The following XPNPEP1 variants were observed in gnomAD, a reference collection of about 807,000 sequenced individuals.
The protein encoded by XPNPEP1 is xaa-Pro aminopeptidase 1.
A neutral mutation model predicts 92.4 loss-of-function variants in XPNPEP1; 39 were observed. The observed-to-expected ratio is 0.42, with a 90% CI of 0.33 to 0.55. The LOEUF (loss-of-function observed/expected upper bound fraction) is 0.55. Among genes scored for constraint, XPNPEP1 ranks in the 20% least tolerant of loss-of-function variants. The pLI, the probability that XPNPEP1 is intolerant of heterozygous loss-of-function variation, is 0.08. For synonymous variants in XPNPEP1, 307 were observed against 299.4 expected (o/e 1.03, Z -0.26); for missense variants, 654 against 856.1 (o/e 0.76, Z 2.95).
chr10:109,890,157 A>G (rs1208843682), intron 5 of XPNPEP1, among the ~76,000 whole-genome samples: 1 of 151,976 alleles, frequency 6.6e-6, no homozygotes, highest in Admixed American at 6.6e-5. Context: ...AGGAGGACTC[A>G]CTCCCTCTGC....
In XPNPEP1 at chr10:109,870,180, C is replaced by A. The variant is rs976386902; in HGVS notation, c.1697-151G>T. ...ATCTGGTGTAAGAGCCTAGAGATGC[C>A]ACCTTCTCTCATATGGCCACTTTTT... On this transcript the variant is annotated intron_variant, in intron 18 of 20. Coordinates refer to ENST00000502935, the MANE Select transcript of XPNPEP1 (RefSeq NM_020383.4). The A allele has an allele frequency of 4.8e-6, 4 of 834,142 alleles. No individual in the cohort carries two copies. In the African/African-American group the frequency reaches 6.9e-5, roughly 14 times the overall value. 51.7% of individuals were successfully genotyped at this position (834,142 alleles called of 1,614,324 possible).
chr10:109,887,764 A>C (rs1301557040), intron 7 of XPNPEP1, among the ~76,000 whole-genome samples: 2 of 152,246 alleles, frequency 1.3e-5, no homozygotes, highest in Non-Finnish European at 2.9e-5. Flanking sequence ...AGTGGCAGTT[A>C]GCAGCTGAGT....
At chr10:109,920,821 T>C (rs1255807802) in intron 1 of XPNPEP1, among the ~76,000 whole-genome samples, 1 of 152,082 alleles carries the variant, frequency 6.6e-6, no homozygotes, top group East Asian at 1.9e-4. Context: ...GCTGGGACTA[T>C]AGGTGTGAGC....
chr10:109,878,459 A>G (rs1847901216), intron 12 of XPNPEP1: 1 of 172,802 alleles, frequency 5.8e-6, no homozygotes, highest in Admixed American at 5.6e-5. Flanking sequence ...CAACCCAAAC[A>G]TTTAAAAATA....
At chr10:109,878,145 T>C in intron 12 of XPNPEP1, 87 bp from the exon 13 acceptor site, 1 of 1,510,058 alleles carries the variant, frequency 6.6e-7, no homozygotes, top group Non-Finnish European at 9.2e-7. Flanking sequence ...AAAAGCTCAC[T>C]TTTTCCTCAA....
chr10:109,906,368 G>A (rs1348279968), intron 3 of XPNPEP1, among the ~76,000 whole-genome samples: 1 of 152,164 alleles, frequency 6.6e-6, no homozygotes, highest in African/African-American at 2.4e-5. Flanking sequence ...TGTAGGTGTT[G>A]TCAGGTTTAT....
chr10:109,871,223 G>A (rs1414610511), intron 17 of XPNPEP1, among the ~76,000 whole-genome samples: 1 of 152,048 alleles, frequency 6.6e-6, no homozygotes, highest in Admixed American at 6.6e-5. Context: ...ACAAAGATGA[G>A]ACTCTAACCA....
At chr10:109,914,797 CAAA>C (rs35548906) in intron 2 of XPNPEP1, among the ~76,000 whole-genome samples, 3 of 97,612 alleles carry the variant, frequency 3.1e-5, no homozygotes, top group African/African-American at 3.6e-5. Context: ...GACTCCGTCT[CAAA>C]AAAAAAAAAA....
At chr10:109,918,854 A>G (rs866806060) in intron 1 of XPNPEP1, among the ~76,000 whole-genome samples, 1 of 31,492 alleles carries the variant, frequency 3.2e-5, no homozygotes, top group South Asian at 8.2e-4. Flanking sequence ...GAAGGAAGGA[A>G]GGAGGGAAGG....
intron 15 of XPNPEP1, among the ~76,000 whole-genome samples, chr10:109,873,908 T>C (rs1012378433): frequency 3.3e-5 from 5 of 152,202 alleles, no homozygotes; most frequent in African/African-American, 1.2e-4. Flanking sequence ...TACAATTCTA[T>C]TTCTATGAAG....
intron 1 of XPNPEP1, 37 bp downstream of exon 1, chr10:109,923,365 G>A (rs1444438914): frequency 1.3e-5 from 18 of 1,426,134 alleles, no homozygotes; most frequent in Middle Eastern, 2.5e-4. Flanking sequence ...AGGGCTGCAC[G>A]CTGCCCGGAC....
At chr10:109,918,360 G>A (rs2133577459) in intron 1 of XPNPEP1, among the ~76,000 whole-genome samples, 1 of 152,288 alleles carries the variant, frequency 6.6e-6, no homozygotes, top group African/African-American at 2.4e-5. Context: ...GGTTGAGGCA[G>A]CAGTGAGCTG....
intron 3 of XPNPEP1, among the ~76,000 whole-genome samples, chr10:109,898,431 T>C (rs1490981984): frequency 6.6e-6 from 1 of 152,244 alleles, no homozygotes; most frequent in Non-Finnish European, 1.5e-5. Context: ...AACAGCCATA[T>C]AAACGATGCT....
chr10:109,918,847 GGAAGGAAGGAGGGAAGGAA>G (rs1850344994), intron 1 of XPNPEP1, among the ~76,000 whole-genome samples: 1 of 29,830 alleles, frequency 3.4e-5, no homozygotes, highest in African/African-American at 7.2e-5. Context: ...AAGGAAGGAA[GGAAGGAAGGAGGGAAGGAA>G]GGAAGGAAGG....
At chr10:109,910,408 G>A (rs11194910) in intron 2 of XPNPEP1, among the ~76,000 whole-genome samples, 47,953 of 151,836 alleles carry the variant, frequency 0.32, 8,154 homozygotes, top group Admixed American at 0.46. Flanking sequence ...GCTGGGCATG[G>A]TGGCACATGT....
rs1023622562 is a variant in XPNPEP1, at chr10:109,867,110, G to A, written c.1872+1504C>T. Among the ~76,000 whole-genome samples, 15 of 152,344 alleles carry A rather than the reference G, an allele frequency of 9.8e-5. No individual in the cohort carries two copies. The highest frequency in any genetic ancestry group is 6.2e-4 in the South Asian group (3 of 4,830). ...CATAGCCTTGGACTTCCAAGAGTGC[G>A]AAATGACTTATTACTGGAAAGCCCC... On this transcript the variant is annotated intron_variant, in intron 20 of 20. Transcript: ENST00000502935. The surrounding 1 kb of genome is among the most constrained non-coding windows in gnomAD (Gnocchi z 4.5).
At chr10:109,903,544 A>G (rs150912195) in intron 3 of XPNPEP1, among the ~76,000 whole-genome samples, 175 of 152,340 alleles carry the variant, frequency 1.1e-3, no homozygotes, top group African/African-American at 4.0e-3. Flanking sequence ...AGGGCAGAAA[A>G]TTAAAAATGC....
rs571518575 is a variant in XPNPEP1, at chr10:109,882,614, C to A, written c.859G>T (p.Ala287Ser). 3.7e-6 allele frequency: 6 copies of A among 1,613,926 alleles called. No homozygotes were observed. Among genetic ancestry groups the A allele is most frequent in the Non-Finnish European group, 5.1e-6 (6 of 1,180,010 alleles). Residue 287 changes from alanine to serine, a missense_variant, in exon 10 of 21, where the codon GCC becomes TCC. Coordinates refer to ENST00000502935, the MANE Select transcript of XPNPEP1 (RefSeq NM_020383.4). ...MLFIDGDRID[A>S]PSVKEHLLLD... ...AGCAGGTGCTCCTTCACACTGGGGG[C>A]GTCTATGCGGTCACCATCAATGAAG...
rs145606203 is a variant in XPNPEP1, at chr10:109,892,281, G to A, written c.311-455C>T. 1.3e-3 allele frequency among the ~76,000 whole-genome samples: 193 copies of A among 152,314 alleles called. 2 individuals are homozygous for A. Among genetic ancestry groups the A allele is most frequent in the African/African-American group, 4.5e-3 (188 of 41,558 alleles). Reference sequence around the variant, plus strand: ...AGTGGGCCCTATGAGTGTTCCTGCTGTGGTCACTAGCAGGAAGCTTATGCC... The same window carrying A: ...AGTGGGCCCTATGAGTGTTCCTGCTATGGTCACTAGCAGGAAGCTTATGCC... On this transcript the variant is annotated intron_variant, in intron 4 of 20. Transcript: ENST00000502935.
Sources: allele counts gnomAD v4.1 joint callset (sites outside exome capture counted in the v4.1 genomes callset), GRCh38; gene constraint gnomAD v4.1.1; non-coding constraint Gnocchi (gnomAD v3.1); transcripts MANE v1.5; gene names NCBI Gene and HGNC (gene_info 2026-07-23, HGNC 2026-07-21).